Variants in MAST4 observed in about 807,000 individuals in gnomAD.
MAST4 encodes the protein microtubule-associated serine/threonine-protein kinase 4.
Under a neutral mutation model 162.7 loss-of-function variants are expected in MAST4, and 89 were observed. That is an observed-to-expected ratio of 0.55 (90% CI 0.46 to 0.65). The LOEUF is 0.65. Ranked by LOEUF, MAST4 falls within the 30% of genes least tolerant of loss-of-function variation. The probability of loss-of-function intolerance (pLI) is 0.00; values close to 1 mark genes in which losing one functional copy is unlikely to be tolerated. For synonymous variants in MAST4, 1,479 were observed against 1,361.1 expected, an observed-to-expected ratio of 1.09 and a Z score of -1.91; for missense variants, 3,153 against 3,374.0, an observed-to-expected ratio of 0.93 and a Z score of 1.62.
intron 6 of MAST4, chr5:67,094,211 T>C (rs1349229494): frequency 2.9e-6 from 4 of 1,371,232 alleles, no homozygotes; most frequent in Non-Finnish European, 4.0e-6. Flanking sequence ...CTGTGATTTG[T>C]CCACTTGAAT....
At chr5:66,907,205 G>GAGAGAGAGAGAGAGAGAGAGAGACAGAC (rs1763426994) in intron 4 of MAST4, among the ~76,000 whole-genome samples, 1 of 87,026 alleles carries the variant, frequency 1.1e-5, no homozygotes, top group African/African-American at 4.3e-5. Context: ...GAGAGAGAGA[G>GAGAGAGAGAGAGAGAGAGAGAGACAGAC]AGTCCTGCTA....
intron 10 of MAST4, among the ~76,000 whole-genome samples, chr5:67,109,846 G>A (rs1179450960): frequency 6.6e-6 from 1 of 152,146 alleles, no homozygotes; most frequent in Admixed American, 6.5e-5. Flanking sequence ...AGCGCCCTTT[G>A]ATTTTTAGCA....
intron 4 of MAST4, among the ~76,000 whole-genome samples, chr5:66,902,376 G>C (rs1284574338): frequency 6.6e-6 from 1 of 151,958 alleles, no homozygotes; most frequent in African/African-American, 2.4e-5. Context: ...AAACTTACGG[G>C]GTTTTCCAAA....
At chr5:67,095,551 G>C in intron 6 of MAST4, 46 bp from the exon 7 acceptor site, 1 of 1,458,924 alleles carries the variant, frequency 6.9e-7, no homozygotes, top group South Asian at 1.2e-5. Flanking sequence ...GTTCCCATGT[G>C]ACAGTACGCC....
At chr5:66,920,543 A>G (rs1468914797) in intron 4 of MAST4, among the ~76,000 whole-genome samples, 6 of 152,152 alleles carry the variant, frequency 3.9e-5, no homozygotes, top group Non-Finnish European at 8.8e-5. Context: ...ACACTGAAAC[A>G]TTGAATGTGT....
At chr5:66,894,972 T>C (rs1044409429) in intron 3 of MAST4, among the ~76,000 whole-genome samples, 3 of 152,092 alleles carry the variant, frequency 2.0e-5, no homozygotes, top group Non-Finnish European at 4.4e-5. Context: ...AGTGAAGGTA[T>C]GTGGGGGCAG....
intron 23 of MAST4, among the ~76,000 whole-genome samples, chr5:67,147,280 A>C (rs769363819): frequency 1.3e-5 from 2 of 152,202 alleles, no homozygotes; most frequent in Non-Finnish European, 2.9e-5. Flanking sequence ...GAAGTCTGAA[A>C]ACCGTGACTG....
chr5:66,714,787 G>A (rs1750715681), intron 1 of MAST4, among the ~76,000 whole-genome samples: 1 of 152,196 alleles, frequency 6.6e-6, no homozygotes, highest in Non-Finnish European at 1.5e-5. Flanking sequence ...CTCACTTCCG[G>A]TCACTGGAGA....
At chr5:66,827,891 G>A (rs564964067) in intron 3 of MAST4, among the ~76,000 whole-genome samples, 16 of 152,120 alleles carry the variant, frequency 1.1e-4, no homozygotes, top group Non-Finnish European at 2.2e-4. Context: ...TGTTACTCCT[G>A]TGCCATGCCA....
intron 3 of MAST4, among the ~76,000 whole-genome samples, chr5:66,820,777 A>G (rs956456763): frequency 6.6e-6 from 1 of 152,130 alleles, no homozygotes; most frequent in Non-Finnish European, 1.5e-5. Flanking sequence ...AAAATTATGT[A>G]TGTGATTTAT....
intron 2 of MAST4, among the ~76,000 whole-genome samples, chr5:66,764,611 T>C (rs1479503666): frequency 6.6e-6 from 1 of 152,036 alleles, no homozygotes; most frequent in Non-Finnish European, 1.5e-5. Context: ...GTTTGTGTCT[T>C]AGTTTTTAAA....
intron 3 of MAST4, among the ~76,000 whole-genome samples, chr5:66,884,956 A>C (rs975709688): frequency 6.6e-6 from 1 of 152,156 alleles, no homozygotes; most frequent in African/African-American, 2.4e-5. Flanking sequence ...ATTTGGGCTG[A>C]ATCTTGCCCC....
At chr5:67,095,817 A>C in intron 7 of MAST4, 142 bp downstream of exon 7, 1 of 536,870 alleles carries the variant, frequency 1.9e-6, no homozygotes, top group East Asian at 2.9e-5. Context: ...GTGACACATC[A>C]AATGATGGCC....
chr5:66,664,820 G>A (rs1003952323), intron 1 of MAST4, among the ~76,000 whole-genome samples: 2 of 152,062 alleles, frequency 1.3e-5, no homozygotes, highest in Non-Finnish European at 2.9e-5. Context: ...TTTGTTAGGA[G>A]AACTGGAAAT....
chr5:67,023,751 A>G (rs927653633), intron 4 of MAST4, among the ~76,000 whole-genome samples: 3 of 151,984 alleles, frequency 2.0e-5, no homozygotes, highest in African/African-American at 7.2e-5. Flanking sequence ...TTATGATGTG[A>G]TATTTTGAGT....
chr5:67,104,527 A>G lies in MAST4; in HGVS notation c.1308A>G (p.Ser436=), dbSNP rs1765378179. The change falls in exon 10 of 29, where the codon TCA becomes TCG. Residue 436 remains serine, a synonymous_variant. Transcript: ENST00000403625. ...AATCCCACCAGGGCCTCATCACCTC[A>G]CGATACTTCCTTGAATTACAGCACA... The part of the protein sequence containing the change: ...LDKSHQGLIT[S]RYFLELQHKL... The G allele has an allele frequency of 6.2e-7, 1 of 1,613,666 alleles. No homozygotes were observed. Among genetic ancestry groups the G allele is most frequent in the Admixed American group, 1.7e-5 (1 of 59,980 alleles).
chr5:66,926,724 T>C (rs1186931059), intron 4 of MAST4, among the ~76,000 whole-genome samples: 4 of 152,266 alleles, frequency 2.6e-5, no homozygotes, highest in Non-Finnish European at 1.5e-5. Context: ...TTGATAGTTT[T>C]TTGTTGCTTT....
At chr5:66,974,972 C>G (rs1348907001) in intron 4 of MAST4, among the ~76,000 whole-genome samples, 1 of 152,106 alleles carries the variant, frequency 6.6e-6, no homozygotes, top group Admixed American at 6.6e-5. Context: ...ACCTCTGAAA[C>G]CTGTAAACAT....
intron 14 of MAST4, among the ~76,000 whole-genome samples, chr5:67,128,608 T>C (rs1367743801): frequency 2.0e-5 from 3 of 152,134 alleles, no homozygotes; most frequent in Non-Finnish European, 2.9e-5. Context: ...GAAAAAGTGA[T>C]TCCAAGCTGA....
Sources: gnomAD v4.1 joint callset for allele counts (sites outside exome capture counted in the v4.1 genomes callset) on GRCh38, gnomAD v4.1.1 for gene constraint, MANE v1.5 for transcripts, NCBI Gene and HGNC (gene_info 2026-07-23, HGNC 2026-07-21) for gene names.